NPR1: variants seen among roughly 807,000 people sequenced by gnomAD.
NPR1 encodes atrial natriuretic peptide receptor 1.
Under a neutral mutation model 116.9 loss-of-function variants are expected in NPR1, and 57 were observed. The ratio of observed to expected loss-of-function variants is 0.49; its 90% CI spans 0.39 to 0.61. The LOEUF (loss-of-function observed/expected upper bound fraction) is 0.61. NPR1 is among the 20% of genes least tolerant of loss of function. The pLI, the probability that NPR1 is intolerant of heterozygous loss-of-function variation, is 0.00. For synonymous variants in NPR1, 555 were observed against 601.6 expected (o/e 0.92, Z 1.13); for missense variants, 1,096 against 1,409.8 (o/e 0.78, Z 3.56).
Position 153,681,853 on chromosome 1 carries a change from G to A in NPR1, c.1171+14G>A. 6.2e-7 allele frequency: 1 copy of A among 1,613,110 alleles called. No homozygotes were observed. The highest frequency in any genetic ancestry group is 8.5e-7 in the Non-Finnish European group (1 of 1,179,572). On this transcript the variant is annotated intron_variant, in intron 4 of 21. Transcript: ENST00000368680. ...GAAGCTTTCAAGGTCAGGGCCTGGA[G>A]GTGGCTGGAATGGGCTGCCTTGGGG...
chr1:153,686,649 C>G lies in NPR1; in HGVS notation c.1762C>G (p.Arg588Gly). The part of the protein sequence containing the change: ...RKVLFELKHM[R>G]DVQNEHLTRF... Reference sequence around the variant, plus strand: ...CTGATGCTGGTCCCACTTGCAGATGCGGGATGTGCAGAATGAACACCTGAC... The same window carrying G: ...CTGATGCTGGTCCCACTTGCAGATGGGGGATGTGCAGAATGAACACCTGAC... The change falls in exon 11 of 22, where the codon CGG becomes GGG. Residue 588 changes from arginine (R) to glycine (G), a missense_variant. Physicochemically the swap from Arg to Gly is moderately radical, Grantham distance 125. Coordinates refer to ENST00000368680, the MANE Select transcript of NPR1 (RefSeq NM_000906.4). 2 of 1,612,714 alleles carry G rather than the reference C, an allele frequency of 1.2e-6. No homozygotes were observed. Among genetic ancestry groups the G allele is most frequent in the Non-Finnish European group, 1.7e-6 (2 of 1,179,282 alleles).
chr1:153,686,059 C>T, intron 9 of NPR1, 64 bp from the exon 10 acceptor site: 1 of 1,549,758 alleles, frequency 6.5e-7, no homozygotes, highest in Non-Finnish European at 8.9e-7. Context: ...CTGTCGGGAG[C>T]AGCTGGAATT....
chr1:153,685,232 C>G, intron 8 of NPR1, 148 bp downstream of exon 8: 2 of 1,105,136 alleles, frequency 1.8e-6, no homozygotes, highest in Non-Finnish European at 2.5e-6. Flanking sequence ...AGTCCCTCTC[C>G]GAGACTGTCT....
chr1:153,693,606 A>G lies in NPR1; in HGVS notation c.*192A>G. On this transcript the variant is annotated 3_prime_UTR_variant, in exon 22 of 22. Transcript: ENST00000368680. ...GGGGACTGGCATGGGGGGATCTCAG[A>G]GCTTACAGGCTGAGCCAAGCCCACG... The G allele has an allele frequency of 1.9e-6, 1 of 530,840 alleles. No homozygotes were observed. Among genetic ancestry groups the G allele is most frequent in the Non-Finnish European group, 3.3e-6 (1 of 306,284 alleles). 32.9% of individuals were successfully genotyped at this position (530,840 alleles called of 1,614,324 possible). A position where few individuals can be genotyped will look rare whatever the true frequency, so the allele number is the denominator to read the frequency against.
At chr1:153,686,076 A>G in intron 9 of NPR1, 47 bp from the exon 10 acceptor site, 2 of 1,586,956 alleles carry the variant, frequency 1.3e-6, no homozygotes, top group Middle Eastern at 3.4e-4. Flanking sequence ...AATTCCCAGG[A>G]CATGGGACCA....
chr1:153,690,114 CT>C, intron 19 of NPR1, 134 bp downstream of exon 19: 1 of 322,326 alleles, frequency 3.1e-6, no homozygotes, highest in South Asian at 4.7e-5. Context: ...CTCTGTCTCT[CT>C]CTCTCTCTCT....
At position 153,686,144 on chromosome 1, in the gene NPR1, C is replaced by A. The variant is rs765047660; in HGVS notation, c.1702C>A (p.Arg568Ser). The A allele has an allele frequency of 6.2e-7, 1 of 1,613,950 alleles. No homozygotes were observed. The highest frequency in any genetic ancestry group is 1.3e-5 in the African/African-American group (1 of 74,880). Residue 568 changes from arginine (R) to serine (S), a missense_variant, in exon 10 of 22, where the codon CGT (arginine) becomes AGT (serine). Coordinates refer to ENST00000368680, the MANE Select transcript of NPR1 (RefSeq NM_000906.4). The stretch of plus-strand genomic sequence containing the variant: ...CCAGGGCAACCTCGTGGCTGTGAAA[C>A]GTGTGAACCGTAAACGCATTGAGCT... ...YYKGNLVAVK[R>S]VNRKRIELTR...
rs1190697337 is a variant in NPR1, at chr1:153,680,510, T to G, written c.731T>G (p.Ile244Ser). The G allele has an allele frequency of 4.3e-6, 7 of 1,613,946 alleles. No individual in the cohort carries two copies. Among genetic ancestry groups the G allele is most frequent in the African/African-American group, 1.3e-5 (1 of 74,880 alleles). ...CTCCGTCTTTCTCCAGTTATCTACATCTGCAGCTCCCCTGATGCCTTCAGA... is the reference window on the plus strand; with the variant it reads ...CTCCGTCTTTCTCCAGTTATCTACAGCTGCAGCTCCCCTGATGCCTTCAGA... ...TMPRKGRVIY[I>S]CSSPDAFRTL... The change falls in exon 2 of 22, where the codon ATC becomes AGC. Residue 244 changes from isoleucine to serine, a missense_variant. Transcript: ENST00000368680.
chr1:153,680,894 G>A, intron 2 of NPR1, 194 bp downstream of exon 2: 2 of 624,756 alleles, frequency 3.2e-6, no homozygotes, highest in Non-Finnish European at 5.5e-6. Context: ...GAAGGGCAGG[G>A]GACTGCCCAG....
chr1:153,690,031 G>T, intron 19 of NPR1, 51 bp downstream of exon 19: 1 of 1,443,448 alleles, frequency 6.9e-7, no homozygotes. Flanking sequence ...GGCTTCGCAA[G>T]GGAAACTTGT....
Position 153,686,957 on chromosome 1 carries a change from C to T in NPR1, c.1864-59C>T, listed in dbSNP as rs1269573952. The T allele has an allele frequency of 3.2e-6, 5 of 1,568,576 alleles. No individual in the cohort carries two copies. The African/African-American group carries it at 4.1e-5, about 13-fold the overall frequency. ...GTTCACATCAGTAGGACCCTGCACCCTCCTCCAACTCCCAGGGGGATCTGC... is the reference window on the plus strand; with the variant it reads ...GTTCACATCAGTAGGACCCTGCACCTTCCTCCAACTCCCAGGGGGATCTGC... On this transcript the variant is annotated intron_variant, in intron 11 of 21. Transcript: ENST00000368680.
At position 153,680,686 on chromosome 1, in the gene NPR1, C is replaced by T. The variant is rs561449958; in HGVS notation, c.907C>T (p.Arg303Cys). 4.3e-6 allele frequency: 7 copies of T among 1,613,308 alleles called. No homozygotes were observed. Among genetic ancestry groups the T allele is most frequent in the East Asian group, 2.2e-5 (1 of 44,878 alleles). Residue 303 changes from arginine (R) to cysteine (C), a missense_variant, in exon 2 of 22, where the codon CGC becomes TGC. By Grantham distance (180) the Arg-to-Cys change is radical. Transcript: ENST00000368680. ...ERGDGQDVSARQAFQAAKIIT... is the reference protein window; with the variant it reads ...ERGDGQDVSACQAFQAAKIIT... ...AGGGGATGGGCAGGATGTCAGTGCC[C>T]GCCAGGCCTTTCAGGTGAGTACCTA...
rs1246599588 is a variant in NPR1 at position 153,685,033 on chromosome 1, T to C, written c.1554T>C (p.Ser518=). 12 of 1,613,974 alleles carry C rather than the reference T, an allele frequency of 7.4e-6. No homozygotes were observed. Among genetic ancestry groups the C allele is most frequent in the East Asian group, 4.5e-5 (2 of 44,872 alleles). The change falls in exon 8 of 22, where the codon AGT becomes AGC. Residue 518 remains serine (S), a synonymous_variant. Coordinates refer to ENST00000368680, the MANE Select transcript of NPR1 (RefSeq NM_000906.4). The part of the protein sequence containing the change: ...WRVRWEDVEP[S]SLERHLRSAG... ...TGCGCTGGGAGGACGTTGAGCCCAG[T>C]AGCCTTGAGAGGCACCTGCGGAGTG...
rs1486898896 is a variant in NPR1 at position 153,679,200 on chromosome 1, A to G, written c.92A>G (p.His31Arg). 1 of 1,513,732 alleles carries G rather than the reference A, an allele frequency of 6.6e-7. No individual in the cohort carries two copies. The highest frequency in any genetic ancestry group is 8.8e-7 in the Non-Finnish European group (1 of 1,136,090). 93.8% of individuals were successfully genotyped at this position (1,513,732 alleles called of 1,614,324 possible). ...PPLLLLLRGS[H>R]AGNLTVAVVL... Reference sequence around the variant, plus strand: ...CTGCTGCTGCTGCTCCGGGGCAGCCACGCGGGCAACCTGACGGTAGCCGTG... The same window carrying G: ...CTGCTGCTGCTGCTCCGGGGCAGCCGCGCGGGCAACCTGACGGTAGCCGTG... The change falls in exon 1 of 22, where the codon CAC becomes CGC. Residue 31 changes from histidine to arginine, a missense_variant. Transcript: ENST00000368680. This position sits in a 1 kb window ranked among gnomAD's most constrained non-coding sequence, Gnocchi z 4.2.
At chr1:153,683,964 G>A (rs567075288) in intron 7 of NPR1, 140 bp downstream of exon 7, 168 of 712,304 alleles carry the variant, frequency 2.4e-4, no homozygotes, top group Non-Finnish European at 3.2e-4. Context: ...GAAGAAAGGA[G>A]GCTTAAAAGC....
chr1:153,685,105 G>A lies in NPR1; in HGVS notation c.1605+21G>A, dbSNP rs61757357. On this transcript the variant is annotated intron_variant, in intron 8 of 21. Coordinates refer to ENST00000368680, the MANE Select transcript of NPR1 (RefSeq NM_000906.4). ...GCGGGGTAAGAACGCTGGTGTTTGTGTTGGGGGGCAATAAAGGAGAGGTGG... is the reference window on the plus strand; with the variant it reads ...GCGGGGTAAGAACGCTGGTGTTTGTATTGGGGGGCAATAAAGGAGAGGTGG... 1,916 of 1,612,552 alleles carry A rather than the reference G, an allele frequency of 1.2e-3. 2 individuals are homozygous for A. Among genetic ancestry groups the A allele is most frequent in the Non-Finnish European group, 1.5e-3 (1,768 of 1,178,996 alleles).
intron 2 of NPR1, 54 bp downstream of exon 2, chr1:153,680,754 T>C (rs1669749709): frequency 7.0e-7 from 1 of 1,420,698 alleles, no homozygotes; most frequent in Non-Finnish European, 9.7e-7. Context: ...ACATCATTTC[T>C]GGGCACTGTG....
At chr1:153,683,572 C>T in intron 6 of NPR1, 61 bp downstream of exon 6, 1 of 1,604,634 alleles carries the variant, frequency 6.2e-7, no homozygotes, top group Non-Finnish European at 8.5e-7. Flanking sequence ...CCCCTAAGCA[C>T]AGTCGAGTAG....
chr1:153,679,041 C>T lies in NPR1; in HGVS notation c.-68C>T. On this transcript the variant is annotated 5_prime_UTR_variant, in exon 1 of 22. Transcript: ENST00000368680. This position sits in a 1 kb window ranked among gnomAD's most constrained non-coding sequence, Gnocchi z 4.2. ...GACGCGCCTGATGCCTGGGACCGGCCGCTGAGCCCAAGGGGACCGAGGAGG... is the reference window on the plus strand; with the variant it reads ...GACGCGCCTGATGCCTGGGACCGGCTGCTGAGCCCAAGGGGACCGAGGAGG... 1 of 1,371,854 alleles carries T rather than the reference C, an allele frequency of 7.3e-7. No homozygotes were observed. Among genetic ancestry groups the T allele is most frequent in the Non-Finnish European group, 9.3e-7 (1 of 1,070,180 alleles). The allele number at this position is 1,371,854 out of a possible 1,614,324, so 85.0% of individuals were successfully genotyped here. A position where few individuals can be genotyped will look rare whatever the true frequency, so the allele number is the denominator to read the frequency against.
Sources: allele counts gnomAD v4.1 joint callset, GRCh38; gene constraint gnomAD v4.1.1; non-coding constraint Gnocchi (gnomAD v3.1); transcripts MANE v1.5; gene names NCBI Gene and HGNC (gene_info 2026-07-23, HGNC 2026-07-21).